CAPZA1: variants seen among roughly 807,000 people sequenced by gnomAD.
The protein encoded by CAPZA1 is capping actin protein of muscle Z-line subunit alpha 1.
In CAPZA1, 10 loss-of-function variants were observed where a neutral mutation model predicts 40.8. That is an observed-to-expected ratio of 0.25 (90% confidence interval 0.15 to 0.42). The LOEUF (loss-of-function observed/expected upper bound fraction) is 0.42, where lower values mean the gene tolerates loss of function less well. Ranked by LOEUF, CAPZA1 falls within the 10% of genes least tolerant of loss-of-function variation. CAPZA1 has a pLI of 1.00. For synonymous variants in CAPZA1, 98 were observed against 115.0 expected (o/e 0.85, Z 0.95); for missense variants, 277 against 353.8 (o/e 0.78, Z 1.74).
In CAPZA1 at chr1:112,654,691, C is replaced by T. The variant is rs199691435; in HGVS notation, c.426+20C>T. 96 of 1,508,384 alleles carry T rather than the reference C, an allele frequency of 6.4e-5. 1 individual carries two copies. The highest frequency in any genetic ancestry group is 2.0e-4 in the East Asian group (9 of 44,136). The allele number at this position is 1,508,384 out of a possible 1,614,324, so 93.4% of individuals were successfully genotyped here. ...TGTACTGTTAAGTATCTGACTGCTT[C>T]GTTATCAGAGAGTGTTTTCTTATAT... On this transcript the variant is annotated intron_variant, in intron 5 of 9. Transcript: ENST00000263168.
intron 7 of CAPZA1, among the ~76,000 whole-genome samples, chr1:112,661,528 C>T (rs988485113): frequency 3.3e-5 from 5 of 152,196 alleles, no homozygotes; most frequent in Non-Finnish European, 7.3e-5. Flanking sequence ...GTCTTGGGGT[C>T]TCCTTCTGGG....
intron 1 of CAPZA1, among the ~76,000 whole-genome samples, chr1:112,632,788 CT>C (rs977827535): frequency 1.3e-5 from 2 of 152,170 alleles, no homozygotes; most frequent in Non-Finnish European, 2.9e-5. Context: ...TCCCTACCTA[CT>C]TATGTCTAAT....
At chr1:112,624,840 A>G (rs766568490) in intron 1 of CAPZA1, among the ~76,000 whole-genome samples, 5 of 152,168 alleles carry the variant, frequency 3.3e-5, no homozygotes, top group Non-Finnish European at 7.4e-5. Flanking sequence ...ACTCTAATGA[A>G]AAATCTCTAC....
intron 1 of CAPZA1, among the ~76,000 whole-genome samples, chr1:112,640,110 C>T (rs1671115781): frequency 1.7e-5 from 2 of 119,212 alleles, no homozygotes; most frequent in Non-Finnish European, 3.6e-5. Flanking sequence ...CCCCTCTGCC[C>T]AGCCAGCCGC....
intron 5 of CAPZA1, among the ~76,000 whole-genome samples, chr1:112,657,717 T>C (rs968864631): frequency 6.6e-6 from 1 of 152,028 alleles, no homozygotes; most frequent in African/African-American, 2.4e-5. Flanking sequence ...TCAGCCTCTC[T>C]AGTAGTTGGG....
rs1163531043 is a variant in CAPZA1, at chr1:112,670,694, T to C, written c.*562T>C. On this transcript the variant is annotated 3_prime_UTR_variant, in exon 10 of 10. Transcript: ENST00000263168. ...TTTCTAAAGTTTGGATTGGGACTTT[T>C]CAGGTCCTTTTTGGAGGGCAAAGGA... 6.5e-6 allele frequency: 1 copy of C among 152,702 alleles called. No homozygotes were observed. The highest frequency in any genetic ancestry group is 1.5e-5 in the Non-Finnish European group (1 of 68,070). 9.5% of individuals were successfully genotyped at this position (152,702 alleles called of 1,614,324 possible). A position where few individuals can be genotyped will look rare whatever the true frequency, so the allele number is the denominator to read the frequency against.
In CAPZA1 at chr1:112,670,463, A is replaced by G. The variant is rs2101197222; in HGVS notation, c.*331A>G. 4.6e-6 allele frequency: 1 copy of G among 219,540 alleles called. No homozygotes were observed. Among genetic ancestry groups the G allele is most frequent in the Non-Finnish European group, 8.8e-6 (1 of 113,266 alleles). The allele number at this position is 219,540 out of a possible 1,614,324, so 13.6% of individuals were successfully genotyped here. On this transcript the variant is annotated 3_prime_UTR_variant, in exon 10 of 10. Transcript: ENST00000263168. ...TACTGTTTAAAAAAGTTTCCTAGCC[A>G]TGAAGCCCTGCTACTGATTTAGACA... is the stretch of plus-strand genomic sequence containing the variant.
intron 1 of CAPZA1, among the ~76,000 whole-genome samples, chr1:112,645,797 C>T (rs6690292): frequency 0.71 from 104,717 of 148,212 alleles, 37,313 homozygotes; most frequent in South Asian, 0.86. Flanking sequence ...AAAAATTGAA[C>T]AGTCAAAATA....
chr1:112,662,855 A>G (rs145683946), intron 7 of CAPZA1, among the ~76,000 whole-genome samples: 1 of 152,310 alleles, frequency 6.6e-6, no homozygotes, highest in Non-Finnish European at 1.5e-5. Flanking sequence ...TCCTCTCTTT[A>G]GACAAGTTCT....
chr1:112,667,176 C>T (rs757592395), intron 8 of CAPZA1, 31 bp downstream of exon 8: 6 of 1,455,474 alleles, frequency 4.1e-6, no homozygotes, highest in East Asian at 2.3e-5. Flanking sequence ...GTCTGTCTTA[C>T]TCATGTCTCG....
At chr1:112,656,901 A>AT (rs1257392180) in intron 5 of CAPZA1, among the ~76,000 whole-genome samples, 8,706 of 139,116 alleles carry the variant, frequency 0.063, 311 homozygotes, top group African/African-American at 0.096. Flanking sequence ...ACTGACAGAA[A>AT]TTTTTTTTTT....
chr1:112,625,376 C>T (rs1331085769), intron 1 of CAPZA1, among the ~76,000 whole-genome samples: 7 of 152,044 alleles, frequency 4.6e-5, no homozygotes, highest in East Asian at 1.9e-4. Context: ...TCTCCTTTAG[C>T]GATCAGATTA....
At position 112,633,718 on chromosome 1, in the gene CAPZA1, G is replaced by A. The variant is rs576212078; in HGVS notation, c.40-13492G>A. Among the ~76,000 whole-genome samples the A allele has an allele frequency of 1.1e-4, 16 of 152,092 alleles. No homozygotes were observed. The South Asian group carries it at 3.3e-3, about 32-fold the overall frequency. ...TAATTTACATTCCCACCAACAGAAG[G>A]GTTCCTTTTTCTCCTTATCCTGGCC... On this transcript the variant is annotated intron_variant, in intron 1 of 9. Coordinates refer to ENST00000263168, the MANE Select transcript of CAPZA1 (RefSeq NM_006135.3).
chr1:112,659,022 G>A lies in CAPZA1; in HGVS notation c.427G>A (p.Val143Ile), dbSNP rs766629648. 3 of 1,609,270 alleles carry A rather than the reference G, an allele frequency of 1.9e-6. No homozygotes were observed. Among genetic ancestry groups the A allele is most frequent in the East Asian group, 2.2e-5 (1 of 44,790 alleles). Residue 143 changes from valine to isoleucine, a missense_variant and splice_region_variant, in exon 6 of 10, where the codon GTT becomes ATT. By Grantham distance (29) the Val-to-Ile change is conservative (BLOSUM62 3). This residue lies in a region of CAPZA1 where 192 missense variants were observed against 277.2 expected (regional missense o/e 0.69). Coordinates refer to ENST00000263168, the MANE Select transcript of CAPZA1 (RefSeq NM_006135.3). The part of the protein sequence containing the change: ...KDHYSNGFCT[V>I]YAKTIDGQQT... ...AACTATTTTTTTTTCCCAACAATAG[G>A]TTTATGCTAAAACTATCGATGGGCA...
intron 5 of CAPZA1, 62 bp from the exon 6 acceptor site, chr1:112,658,960 A>T (rs937227776): frequency 1.7e-6 from 2 of 1,192,720 alleles, no homozygotes; most frequent in Non-Finnish European, 2.5e-6. Flanking sequence ...CTTTTGTACA[A>T]TGCATGTTGT....
At chr1:112,641,028 C>A (rs1671145763) in intron 1 of CAPZA1, among the ~76,000 whole-genome samples, 1 of 152,088 alleles carries the variant, frequency 6.6e-6, no homozygotes, top group Non-Finnish European at 1.5e-5. Flanking sequence ...AGGCAGCATG[C>A]TCATTAAGAG....
intron 1 of CAPZA1, chr1:112,634,894 A>G (rs770378042): frequency 1.3e-5 from 2 of 152,208 alleles, no homozygotes; most frequent in Non-Finnish European, 2.9e-5. Context: ...TCCAGAGCCT[A>G]TATTTTTCCA....
intron 1 of CAPZA1, among the ~76,000 whole-genome samples, chr1:112,639,902 C>A (rs1333683534): frequency 7.7e-6 from 1 of 130,298 alleles, no homozygotes; most frequent in African/African-American, 2.7e-5. Context: ...CCGCCCCGTC[C>A]GGGAGGGAGG....
intron 1 of CAPZA1, among the ~76,000 whole-genome samples, chr1:112,642,197 C>T (rs950523316): frequency 1.4e-5 from 2 of 143,976 alleles, no homozygotes; most frequent in South Asian, 2.2e-4. Context: ...AAGACTACCC[C>T]GCACCTTTTT....
Sources: allele counts gnomAD v4.1 joint callset (sites outside exome capture counted in the v4.1 genomes callset), GRCh38; gene constraint gnomAD v4.1.1; regional missense constraint gnomAD v4.1.1; transcripts MANE v1.5; gene names NCBI Gene and HGNC (gene_info 2026-07-23, HGNC 2026-07-21).